Variants in PSG9 observed in about 807,000 individuals in gnomAD.
PSG9 encodes the protein pregnancy specific beta-1-glycoprotein 9.
In PSG9, 49 loss-of-function variants were observed where a neutral mutation model predicts 41.9. The ratio of observed to expected loss-of-function variants is 1.17; its 90% confidence interval spans 0.93 to 1.48. The LOEUF is 1.48. Among genes scored for constraint, PSG9 ranks in the 40% most tolerant of loss-of-function variants. The pLI is 0.00. For synonymous variants in PSG9, 263 were observed against 196.8 expected (o/e 1.34, Z -2.82); for missense variants, 641 against 520.3 (o/e 1.23, Z -2.26).
chr19:43,269,303 C>T lies in PSG9; in HGVS notation c.64+65G>A, dbSNP rs1310254022. On this transcript the variant is annotated intron_variant, in intron 1 of 5. Transcript: ENST00000270077. ...TTTTATTTTACAACCCCATCCTCTC[C>T]AGGAGACCCCATCCAGTCACTCCGC... 19 of 1,610,624 alleles carry T rather than the reference C, an allele frequency of 1.2e-5. No homozygotes were observed. The East Asian group carries it at 3.8e-4, about 32-fold the overall frequency.
In PSG9 at chr19:43,254,872, T is replaced by G. The variant is rs1330336236; in HGVS notation, c.1244-1226A>C. Among the ~76,000 whole-genome samples the G allele has an allele frequency of 2.1e-5, 3 of 145,692 alleles. 1 individual carries two copies. In the East Asian group the frequency reaches 7.1e-4, roughly 35 times the overall value. ...GGGAGGTCACAGCAGAAGGATTTCT[T>G]GAGACCAGGTGTTTGGACCAGCATA... is the stretch of plus-strand genomic sequence containing the variant. On this transcript the variant is annotated intron_variant, in intron 5 of 5. Transcript: ENST00000270077.
rs746660790 is a variant in PSG9 at position 43,258,464 on chromosome 19, A to C, written c.989-8T>G. The stretch of plus-strand genomic sequence containing the variant: ...TGGGGAGGTCTGGACCATCTGGAGG[A>C]AAGAGAATAAAGCCACACGTGATGT... On this transcript the variant is annotated splice_polypyrimidine_tract_variant and splice_region_variant and intron_variant, in intron 4 of 5. Transcript: ENST00000270077. 1 of 1,554,030 alleles carries C rather than the reference A, an allele frequency of 6.4e-7. No individual in the cohort carries two copies. Among genetic ancestry groups the C allele is most frequent in the Non-Finnish European group, 8.6e-7 (1 of 1,157,928 alleles).
chr19:43,253,809 C>T (rs1444622303), intron 5 of PSG9, among the ~76,000 whole-genome samples, 163 bp from the exon 6 acceptor site: 1 of 146,614 alleles, frequency 6.8e-6, no homozygotes, highest in Non-Finnish European at 1.5e-5. Flanking sequence ...TCCCCATCAG[C>T]CTTGCAAATA....
intron 5 of PSG9, among the ~76,000 whole-genome samples, chr19:43,255,989 A>G (rs1350515081): frequency 6.8e-6 from 1 of 146,638 alleles, no homozygotes; most frequent in Non-Finnish European, 1.5e-5. Flanking sequence ...TTTTGCAGAA[A>G]AAGAAAAATC....
chr19:43,265,975 G>T (rs1311132457), intron 2 of PSG9, among the ~76,000 whole-genome samples: 1 of 152,082 alleles, frequency 6.6e-6, no homozygotes, highest in African/African-American at 2.4e-5. Context: ...TAGTAGGAAG[G>T]GAACCGAACA....
chr19:43,258,063 G>T (rs1257169872), intron 5 of PSG9, 139 bp downstream of exon 5: 1 of 1,584,662 alleles, frequency 6.3e-7, no homozygotes, highest in Non-Finnish European at 8.5e-7. Flanking sequence ...CAAATTGGGA[G>T]GGTTCAGGAG....
At position 43,259,131 on chromosome 19, in the gene PSG9, C is replaced by G. The variant is rs11554964; in HGVS notation, c.714G>C (p.Lys238Asn). The G allele has an allele frequency of 1.3e-5, 20 of 1,590,166 alleles. No homozygotes were observed. The highest frequency in any genetic ancestry group is 7.7e-6 in the Non-Finnish European group (9 of 1,174,210). The change falls in exon 4 of 6, where the codon AAG becomes AAC. Residue 238 changes from lysine to asparagine, a missense_variant. Transcript: ENST00000270077. The stretch of plus-strand genomic sequence containing the variant: ...TGATGGTGATGTAGGGGATGGGCAG[C>G]TTCGCTGTGTGGATAACAGAGAGAA... The part of the protein sequence containing the change: ...SDPVTLNLLP[K>N]LPIPYITINN...
chr19:43,268,994 G>C (rs1336886448), intron 1 of PSG9, among the ~76,000 whole-genome samples: 1 of 151,876 alleles, frequency 6.6e-6, no homozygotes, highest in Non-Finnish European at 1.5e-5. Context: ...CTGCAACAGA[G>C]CCTTCTTTCC....
intron 4 of PSG9, among the ~76,000 whole-genome samples, 160 bp from the exon 5 acceptor site, chr19:43,258,616 T>A (rs896309212): frequency 1.4e-5 from 2 of 146,238 alleles, no homozygotes; most frequent in Non-Finnish European, 3.0e-5. Flanking sequence ...GGTATTCACC[T>A]GTTTCTCCCA....
intron 2 of PSG9, among the ~76,000 whole-genome samples, chr19:43,266,323 GGT>G (rs1030728193): frequency 1.3e-5 from 2 of 151,888 alleles, no homozygotes; most frequent in Admixed American, 1.3e-4. Flanking sequence ...ACAAGGGACA[GGT>G]GTGGCTAGAA....
In PSG9 at chr19:43,269,391, G is replaced by T; in HGVS notation, c.41C>A (p.Thr14Asn). 1 of 1,613,630 alleles carries T rather than the reference G, an allele frequency of 6.2e-7. No individual in the cohort carries two copies. Among genetic ancestry groups the T allele is most frequent in the East Asian group, 2.2e-5 (1 of 44,852 alleles). ...ACCTGTGAGCAGGAGCCCCTTCCAG[G>T]TGATGCGCTGTGTGCAGGAAGGGGC... ...LPAPSCTQRI[T>N]WKGLLLTASL... The change falls in exon 1 of 6, where the codon ACC (threonine) becomes AAC (asparagine). Residue 14 changes from threonine to asparagine, a missense_variant. Thr to Asn is a moderately conservative substitution (Grantham distance 65). Coordinates refer to ENST00000270077, the MANE Select transcript of PSG9 (RefSeq NM_002784.5).
chr19:43,261,711 G>T (rs1306730503), intron 3 of PSG9, 149 bp downstream of exon 3: 7 of 1,586,782 alleles, frequency 4.4e-6, no homozygotes, highest in African/African-American at 4.0e-5. Flanking sequence ...GCCTACTCTG[G>T]TTTGCTTGGG....
Position 43,259,123 on chromosome 19 carries a change from A to T in PSG9, c.722T>A (p.Ile241Asn), listed in dbSNP as rs2355450. The change falls in exon 4 of 6, where the codon ATC becomes AAC. Residue 241 changes from isoleucine to asparagine, a missense_variant. Ile to Asn is a moderately radical substitution (Grantham distance 149). Coordinates refer to ENST00000270077, the MANE Select transcript of PSG9 (RefSeq NM_002784.5). Reference protein sequence around the residue: ...VTLNLLPKLPIPYITINNLNP... With the variant: ...VTLNLLPKLPNPYITINNLNP... ...TAAGTTGTTGATGGTGATGTAGGGG[A>T]TGGGCAGCTTCGCTGTGTGGATAAC... 55 of 1,590,294 alleles carry T rather than the reference A, an allele frequency of 3.5e-5. 5 individuals carry two copies. Among genetic ancestry groups the T allele is most frequent in the East Asian group, 1.1e-4 (4 of 37,520 alleles).
intron 1 of PSG9, among the ~76,000 whole-genome samples, chr19:43,268,592 A>G (rs1157223669): frequency 6.6e-6 from 1 of 151,900 alleles, no homozygotes; most frequent in Non-Finnish European, 1.5e-5. Flanking sequence ...CACATTCTAC[A>G]TCTCTTCGCA....
At chr19:43,253,685 C>T (rs1428071770) in intron 5 of PSG9, 39 bp from the exon 6 acceptor site, 1 of 1,207,610 alleles carries the variant, frequency 8.3e-7, no homozygotes, top group South Asian at 1.3e-5. Flanking sequence ...ATTTCAAATT[C>T]ACTACCTCCT....
chr19:43,256,319 G>A (rs1214151478), intron 5 of PSG9, among the ~76,000 whole-genome samples: 1 of 146,580 alleles, frequency 6.8e-6, no homozygotes, highest in African/African-American at 2.6e-5. Flanking sequence ...AAAAGCATAG[G>A]CAACAAATAA....
At chr19:43,267,638 T>G in intron 2 of PSG9, 146 bp downstream of exon 2, 1 of 1,359,236 alleles carries the variant, frequency 7.4e-7, no homozygotes, top group Non-Finnish European at 1.0e-6. Flanking sequence ...CTCCTCTGTG[T>G]GTGTCCTGCA....
rs140301895 is a variant in PSG9 at position 43,258,431 on chromosome 19, G to A, written c.1014C>T (p.Tyr338=). The A allele has an allele frequency of 1.5e-4, 236 of 1,583,232 alleles. 38 individuals carry two copies. The African/African-American group carries it at 2.9e-3, about 19-fold the overall frequency. ...VLYGPDLPRI[Y]PSFTYYRSGE... Reference sequence around the variant, plus strand: ...CTGAACGGTAATAGGTGAATGAAGGGTAAATTCTGGGGAGGTCTGGACCAT... The same window carrying A: ...CTGAACGGTAATAGGTGAATGAAGGATAAATTCTGGGGAGGTCTGGACCAT... The change falls in exon 5 of 6, where the codon TAC becomes TAT. Residue 338 remains tyrosine (Y), a synonymous_variant. Coordinates refer to ENST00000270077, the MANE Select transcript of PSG9 (RefSeq NM_002784.5).
Position 43,259,230 on chromosome 19 carries a change from C to T in PSG9, c.710-95G>A, listed in dbSNP as rs1296245651. On this transcript the variant is annotated intron_variant, in intron 3 of 5. Transcript: ENST00000270077. Reference sequence around the variant, plus strand: ...AGAGTTGGCATCTCCCACCTCTCAGCCCACCCGAGTCCTTGAAAGCCAATA... The same window carrying T: ...AGAGTTGGCATCTCCCACCTCTCAGTCCACCCGAGTCCTTGAAAGCCAATA... 6.6e-6 allele frequency: 10 copies of T among 1,512,234 alleles called. 1 individual carries two copies. The highest frequency in any genetic ancestry group is 1.9e-5 in the Admixed American group (1 of 51,906). 93.7% of individuals were successfully genotyped at this position (1,512,234 alleles called of 1,614,324 possible).
Sources: gnomAD v4.1 joint callset for allele counts (sites outside exome capture counted in the v4.1 genomes callset) on GRCh38, gnomAD v4.1.1 for gene constraint, MANE v1.5 for transcripts, NCBI Gene and HGNC (gene_info 2026-07-23, HGNC 2026-07-21) for gene names.